Variants in SCHIP1 observed in about 807,000 individuals in gnomAD.
The protein encoded by SCHIP1 is schwannomin-interacting protein 1.
Under a neutral mutation model 29.7 loss-of-function variants are expected in SCHIP1, and 8 were observed. The ratio of observed to expected loss-of-function variants is 0.27; its 90% CI spans 0.16 to 0.49. The LOEUF (loss-of-function observed/expected upper bound fraction) is 0.49. Ranked by LOEUF, SCHIP1 falls within the 20% of genes least tolerant of loss-of-function variation. The probability of loss-of-function intolerance (pLI) is 0.99; values close to 1 mark genes in which losing one functional copy is unlikely to be tolerated. For synonymous variants in SCHIP1, 76 were observed against 94.9 expected (o/e 0.80, Z 1.16); for missense variants, 193 against 294.6 (o/e 0.66, Z 2.52).
chr3:159,680,736 C>CT, the SCHIP1 span, among the ~76,000 whole-genome samples: 1 of 91,634 alleles, frequency 1.1e-5, no homozygotes, highest in Non-Finnish European at 1.9e-5. Flanking sequence ...ATATAATATA[C>CT]ATATATAATA....
At chr3:159,395,693 T>G in the SCHIP1 span, among the ~76,000 whole-genome samples, 1 of 152,156 alleles carries the variant, frequency 6.6e-6, no homozygotes, top group Admixed American at 6.5e-5. Context: ...GATAGTTTGT[T>G]ATAATTTCTG....
chr3:159,791,886 TTTATC>T, the SCHIP1 span, among the ~76,000 whole-genome samples: 2 of 152,216 alleles, frequency 1.3e-5, no homozygotes, highest in African/African-American at 2.4e-5. Context: ...AGAAAATACT[TTTATC>T]TTAATGAGGA....
At chr3:159,529,475 A>C in the SCHIP1 span, among the ~76,000 whole-genome samples, 1 of 151,978 alleles carries the variant, frequency 6.6e-6, no homozygotes. Context: ...TTTATTTTTT[A>C]AGTTATGGAT....
chr3:159,557,045 C>G, the SCHIP1 span, among the ~76,000 whole-genome samples: 1 of 151,776 alleles, frequency 6.6e-6, no homozygotes, highest in Non-Finnish European at 1.5e-5. Flanking sequence ...ACAAGCTCCG[C>G]CTCCCGGGTT....
At chr3:159,676,511 AAAG>A in the SCHIP1 span, among the ~76,000 whole-genome samples, 11 of 152,204 alleles carry the variant, frequency 7.2e-5, no homozygotes, top group Non-Finnish European at 1.3e-4. Flanking sequence ...AATCTGTGAC[AAAG>A]AAGTTTTTTT....
chr3:159,393,785 T>C, the SCHIP1 span, among the ~76,000 whole-genome samples: 2 of 151,712 alleles, frequency 1.3e-5, no homozygotes, highest in African/African-American at 2.4e-5. Context: ...TAGGATTGAC[T>C]TGGCGATGCG....
In SCHIP1 at chr3:159,885,944, G is replaced by A. The variant is rs1327397838; in HGVS notation, c.150-263G>A. 2.0e-5 allele frequency among the ~76,000 whole-genome samples: 3 copies of A among 152,216 alleles called. No homozygotes were observed. In the South Asian group the frequency reaches 6.2e-4, roughly 32 times the overall value. The stretch of plus-strand genomic sequence containing the variant: ...CATTTTTATTGTGCACCAACTATCT[G>A]TTTGGTATTGTGCTGGGTGCTCTAA... On this transcript the variant is annotated intron_variant, in intron 2 of 6. Transcript: ENST00000445224.
intron 1 of SCHIP1, 127 bp from the exon 3 acceptor site, chr3:159,866,036 A>G (rs1223469836): frequency 2.4e-5 from 19 of 800,402 alleles, no homozygotes; most frequent in Non-Finnish European, 3.7e-5. Context: ...AAATACTCTT[A>G]TGCCGCAGCC....
the SCHIP1 span, among the ~76,000 whole-genome samples, chr3:159,307,219 G>A: frequency 2.0e-5 from 3 of 152,152 alleles, no homozygotes; most frequent in African/African-American, 7.2e-5. Context: ...AACTTGATTG[G>A]GAACATGTTA....
At chr3:159,481,063 GTTAAGGCAGGAACCGGCCA>G in the SCHIP1 span, among the ~76,000 whole-genome samples, 5 of 152,160 alleles carry the variant, frequency 3.3e-5, no homozygotes, top group African/African-American at 1.2e-4. Context: ...AATGTCATCA[GTTAAGGCAGGAACCGGCCA>G]TTTTCACTTC....
chr3:159,609,973 C>T, the SCHIP1 span, among the ~76,000 whole-genome samples: 4 of 152,098 alleles, frequency 2.6e-5, no homozygotes, highest in Non-Finnish European at 5.9e-5. Flanking sequence ...ACCTATGCTA[C>T]GAGGGGCTGC....
intron 1 of SCHIP1, chr3:159,853,465 G>A (rs1712921275): frequency 2.9e-6 from 2 of 692,866 alleles, no homozygotes; most frequent in Non-Finnish European, 2.6e-6. Flanking sequence ...AAGGTAAGGG[G>A]GGAGAGCTCT....
chr3:159,493,468 C>T, the SCHIP1 span, among the ~76,000 whole-genome samples: 6 of 152,022 alleles, frequency 3.9e-5, no homozygotes, highest in South Asian at 1.2e-3. Flanking sequence ...TTGGATAAAA[C>T]AGACTTTAAA....
At chr3:159,701,737 G>C in the SCHIP1 span, among the ~76,000 whole-genome samples, 1 of 151,882 alleles carries the variant, frequency 6.6e-6, no homozygotes, top group Non-Finnish European at 1.5e-5. Context: ...CTATGTAGTG[G>C]CCTTCTTAAT....
the SCHIP1 span, among the ~76,000 whole-genome samples, chr3:159,289,824 G>A: frequency 2.6e-4 from 40 of 152,262 alleles, no homozygotes; most frequent in African/African-American, 9.1e-4. Context: ...AATAAATGGC[G>A]GCATATTTCA....
At chr3:159,471,140 C>T in the SCHIP1 span, among the ~76,000 whole-genome samples, 17 of 151,958 alleles carry the variant, frequency 1.1e-4, no homozygotes, top group African/African-American at 3.9e-4. Flanking sequence ...ACACACACAC[C>T]CCTAAAAATA....
the SCHIP1 span, among the ~76,000 whole-genome samples, chr3:159,423,275 C>G: frequency 3.3e-5 from 5 of 152,224 alleles, no homozygotes; most frequent in African/African-American, 9.6e-5. Context: ...TCGGGAAGCT[C>G]AAGGGGTCAA....
the SCHIP1 span, among the ~76,000 whole-genome samples, chr3:159,312,638 G>T: frequency 6.6e-6 from 1 of 152,034 alleles, no homozygotes. Flanking sequence ...CCCCATTTTG[G>T]TCACCAAGCA....
the SCHIP1 span, among the ~76,000 whole-genome samples, chr3:159,735,554 T>G: frequency 9.9e-3 from 1,504 of 152,244 alleles, 31 homozygotes; most frequent in African/African-American, 0.034. Context: ...TCTATAAAAC[T>G]CCTAACCCAT....
Sources: allele counts gnomAD v4.1 joint callset (sites outside exome capture counted in the v4.1 genomes callset), GRCh38; gene constraint gnomAD v4.1.1; transcripts MANE v1.5; gene names NCBI Gene and HGNC (gene_info 2026-07-23, HGNC 2026-07-21).